GALNT17: variants seen among roughly 807,000 people sequenced by gnomAD.
GALNT17 encodes the protein polypeptide N-acetylgalactosaminyltransferase 17.
A neutral mutation model predicts 63.7 loss-of-function variants in GALNT17; 29 were observed. The ratio of observed to expected loss-of-function variants is 0.46; its 90% CI spans 0.34 to 0.62. The LOEUF (loss-of-function observed/expected upper bound fraction) is 0.62, where lower values mean the gene tolerates loss of function less well. Ranked by LOEUF, GALNT17 falls within the 20% of genes least tolerant of loss-of-function variation. The probability of loss-of-function intolerance (pLI) is 0.01; values close to 1 mark genes in which losing one functional copy is unlikely to be tolerated. For missense variants in GALNT17, 603 were observed against 799.6 expected, an observed-to-expected ratio of 0.75 and a Z score of 2.97; for synonymous variants, 305 against 318.3, an observed-to-expected ratio of 0.96 and a Z score of 0.45.
At chr7:71,265,230 G>A (rs1583812554) in intron 1 of GALNT17, among the ~76,000 whole-genome samples, 1 of 146,202 alleles carries the variant, frequency 6.8e-6, no homozygotes, top group South Asian at 2.2e-4. Context: ...GGGTTCAAGT[G>A]ATTCTTCTGC....
intron 5 of GALNT17, among the ~76,000 whole-genome samples, chr7:71,464,387 C>G (rs1787501963): frequency 6.6e-6 from 1 of 152,142 alleles, no homozygotes; most frequent in South Asian, 2.1e-4. Context: ...TCAGAGGAGC[C>G]TAACCAAGGA....
intron 1 of GALNT17, among the ~76,000 whole-genome samples, chr7:71,222,812 T>G (rs1344290438): frequency 1.3e-5 from 2 of 152,170 alleles, no homozygotes; most frequent in Non-Finnish European, 2.9e-5. Context: ...GGCTCGCACC[T>G]GTAATCCCAA....
intron 3 of GALNT17, among the ~76,000 whole-genome samples, chr7:71,405,826 C>T (rs535102034): frequency 3.5e-4 from 54 of 152,270 alleles, no homozygotes; most frequent in African/African-American, 1.0e-3. Flanking sequence ...TAATACCACC[C>T]CATTGAGGCA....
rs766894566 is a variant in GALNT17, at chr7:71,416,079, A to C, written c.764+16A>C. The C allele has an allele frequency of 1.4e-5, 22 of 1,600,776 alleles. No individual in the cohort carries two copies. In the Admixed American group the frequency reaches 2.0e-4, roughly 15 times the overall value. On this transcript the variant is annotated intron_variant, in intron 4 of 10. Transcript: ENST00000333538. Reference sequence around the variant, plus strand: ...CCGCTGGCTGGTAGGTCATGAGCTGAAACTCAGGGGTGCTCAAGACCTGCA... The same window carrying C: ...CCGCTGGCTGGTAGGTCATGAGCTGCAACTCAGGGGTGCTCAAGACCTGCA...
At chr7:71,514,404 G>A (rs111943442) in intron 5 of GALNT17, among the ~76,000 whole-genome samples, 1 of 152,036 alleles carries the variant, frequency 6.6e-6, no homozygotes, top group African/African-American at 2.4e-5. Flanking sequence ...CATAAACAGT[G>A]GGGGGTGGAG....
intron 1 of GALNT17, among the ~76,000 whole-genome samples, chr7:71,304,909 A>G (rs548305074): frequency 7.9e-5 from 12 of 151,944 alleles, no homozygotes; most frequent in Non-Finnish European, 1.8e-4. Flanking sequence ...ATGCCTGACT[A>G]ATTTTTTGTA....
intron 5 of GALNT17, among the ~76,000 whole-genome samples, chr7:71,465,419 G>A (rs898407324): frequency 6.6e-6 from 1 of 152,120 alleles, no homozygotes; most frequent in African/African-American, 2.4e-5. Context: ...CCCCTCCACT[G>A]TTACACAACA....
intron 2 of GALNT17, among the ~76,000 whole-genome samples, chr7:71,350,914 G>T (rs530559644): frequency 6.6e-6 from 1 of 152,354 alleles, no homozygotes; most frequent in South Asian, 2.1e-4. Flanking sequence ...GCCAAGGCTG[G>T]TGGATCACTT....
intron 8 of GALNT17, among the ~76,000 whole-genome samples, chr7:71,673,126 A>C (rs1053161354): frequency 6.6e-6 from 1 of 152,196 alleles, no homozygotes; most frequent in Non-Finnish European, 1.5e-5. Flanking sequence ...AGCCTTTTAA[A>C]AAGCAATTTG....
chr7:71,162,501 C>T (rs1788367920), intron 1 of GALNT17, among the ~76,000 whole-genome samples: 2 of 151,798 alleles, frequency 1.3e-5, no homozygotes, highest in African/African-American at 4.8e-5. Flanking sequence ...AATGTGAGCT[C>T]CTTGCTCAAC....
Position 71,580,502 on chromosome 7 carries a change from G to T in GALNT17, c.1080+9100G>T, listed in dbSNP as rs533602043. On this transcript the variant is annotated intron_variant, in intron 6 of 10. Coordinates refer to ENST00000333538, the MANE Select transcript of GALNT17 (RefSeq NM_022479.3). ...TTACCACCCTTGAGGGGATTTAAAA[G>T]AAGTAAGAGGATTAGACTTTTCTTT... 3.9e-5 allele frequency among the ~76,000 whole-genome samples: 6 copies of T among 152,252 alleles called. No homozygotes were observed. The South Asian group carries it at 1.2e-3, about 32-fold the overall frequency.
rs1238808676 is a variant in GALNT17 at position 71,377,106 on chromosome 7, A to C, written c.423-11129A>C. Among the ~76,000 whole-genome samples, 6 of 50,510 alleles carry C rather than the reference A, an allele frequency of 1.2e-4. 1 individual carries two copies. Among genetic ancestry groups the C allele is most frequent in the African/African-American group, 6.1e-4 (6 of 9,796 alleles). The allele number at this position is 50,510 out of a possible 152,430, so 33.1% of individuals were successfully genotyped here. ...ATCTCAAAAAAAAAAAAAAATAAAA[A>C]TAAAAAAAATATATATATATATATA... On this transcript the variant is annotated intron_variant, in intron 2 of 10. Coordinates refer to ENST00000333538, the MANE Select transcript of GALNT17 (RefSeq NM_022479.3).
intron 6 of GALNT17, among the ~76,000 whole-genome samples, chr7:71,587,634 T>G (rs1562701675): frequency 6.6e-6 from 1 of 152,136 alleles, no homozygotes; most frequent in Non-Finnish European, 1.5e-5. Flanking sequence ...CACTTAGGTC[T>G]ATGATCATAA....
chr7:71,641,977 A>T (rs762217565), intron 6 of GALNT17, among the ~76,000 whole-genome samples: 9 of 152,096 alleles, frequency 5.9e-5, no homozygotes, highest in Non-Finnish European at 1.3e-4. Context: ...CTTGGTAGAG[A>T]ATTTCGGCTG....
intron 5 of GALNT17, among the ~76,000 whole-genome samples, chr7:71,422,094 C>T (rs942646951): frequency 2.6e-5 from 4 of 152,020 alleles, no homozygotes; most frequent in Admixed American, 6.6e-5. Context: ...TTCTTGAGGT[C>T]GGAAATTTGC....
In GALNT17 at chr7:71,527,554, G is replaced by A. The variant is rs115373988; in HGVS notation, c.963-43731G>A. Among the ~76,000 whole-genome samples the A allele has an allele frequency of 2.9e-3, 436 of 152,202 alleles. 2 individuals carry two copies. Among genetic ancestry groups the A allele is most frequent in the African/African-American group, 9.6e-3 (399 of 41,526 alleles). On this transcript the variant is annotated intron_variant, in intron 5 of 10. Transcript: ENST00000333538. Reference sequence around the variant, plus strand: ...GGCACGGAAGGCTCACTTCACTCTCGACTTCAAGACTTGTGTAAACTTTTA... The same window carrying A: ...GGCACGGAAGGCTCACTTCACTCTCAACTTCAAGACTTGTGTAAACTTTTA...
At chr7:71,601,556 A>G (rs1789967571) in intron 6 of GALNT17, among the ~76,000 whole-genome samples, 1 of 152,078 alleles carries the variant, frequency 6.6e-6, no homozygotes, top group Admixed American at 6.6e-5. Context: ...CTGAGGTGGA[A>G]AGATCATTTG....
At chr7:71,675,716 G>A (rs1409576439) in intron 8 of GALNT17, among the ~76,000 whole-genome samples, 1 of 152,232 alleles carries the variant, frequency 6.6e-6, no homozygotes, top group African/African-American at 2.4e-5. Flanking sequence ...GCCAGGCGCA[G>A]TGGTTCACAC....
intron 6 of GALNT17, among the ~76,000 whole-genome samples, chr7:71,656,149 G>A (rs1248947644): frequency 6.6e-6 from 1 of 152,126 alleles, no homozygotes; most frequent in Non-Finnish European, 1.5e-5. Flanking sequence ...TAGGGACACA[G>A]GATGACACAG....
Sources: allele counts gnomAD v4.1 joint callset (sites outside exome capture counted in the v4.1 genomes callset), GRCh38; gene constraint gnomAD v4.1.1; transcripts MANE v1.5; gene names NCBI Gene and HGNC (gene_info 2026-07-23, HGNC 2026-07-21).